The following NACC2 variants were observed in gnomAD, a reference collection of about 807,000 sequenced individuals.
NACC2 encodes NACC family member 2.
Under a neutral mutation model 25.1 loss-of-function variants are expected in NACC2, and 8 were observed. The observed-to-expected ratio is 0.32, with a 90% CI of 0.19 to 0.57. The LOEUF (loss-of-function observed/expected upper bound fraction) is 0.57. NACC2 is among the 20% of genes least tolerant of loss of function. The pLI, the probability that NACC2 is intolerant of heterozygous loss-of-function variation, is 0.89. For synonymous variants in NACC2, 435 were observed against 294.7 expected (o/e 1.48, Z -4.88); for missense variants, 644 against 650.2 (o/e 0.99, Z 0.10).
At chr9:136,016,847 G>C (rs949264345) in intron 2 of NACC2, among the ~76,000 whole-genome samples, 31 of 152,192 alleles carry the variant, frequency 2.0e-4, no homozygotes, top group African/African-American at 7.5e-4. Context: ...GAGGATGGAG[G>C]ACGGCTTGGC....
At chr9:136,044,702 G>A (rs1212709056) in intron 2 of NACC2, among the ~76,000 whole-genome samples, 4 of 152,214 alleles carry the variant, frequency 2.6e-5, no homozygotes, top group African/African-American at 9.6e-5. Context: ...TTCTCTCTGG[G>A]AACCCCAAAC....
At chr9:136,083,218 T>C (rs1830342177) in intron 1 of NACC2, among the ~76,000 whole-genome samples, 1 of 152,148 alleles carries the variant, frequency 6.6e-6, no homozygotes, top group Admixed American at 6.5e-5. Flanking sequence ...GGGGAGCTGG[T>C]GGGGGTCAGA....
chr9:136,016,290 G>C lies in NACC2; in HGVS notation c.1026C>G (p.Pro342=). 9.3e-6 allele frequency: 15 copies of C among 1,612,962 alleles called. No homozygotes were observed. Among genetic ancestry groups the C allele is most frequent in the Non-Finnish European group, 1.3e-5 (15 of 1,180,002 alleles). ...CHPKLYSEGD[P]GEKLELVAGS... is the part of the protein sequence containing the mutation. ...CTGCCACCAGCTCCAGCTTCTCCCC[G>C]GGGTCCCCTTCCGAGTAGAGCTTGG... The change falls in exon 3 of 6, where the codon CCC becomes CCG. Residue 342 remains proline, a synonymous_variant. Transcript: ENST00000277554.
intron 1 of NACC2, among the ~76,000 whole-genome samples, chr9:136,079,409 G>A (rs775807756): frequency 6.6e-5 from 10 of 152,226 alleles, no homozygotes; most frequent in African/African-American, 1.7e-4. Context: ...AAGCCAATGC[G>A]TGGACTCCGG....
chr9:136,032,402 C>G (rs1257626212), intron 2 of NACC2, among the ~76,000 whole-genome samples: 1 of 152,014 alleles, frequency 6.6e-6, no homozygotes, highest in East Asian at 1.9e-4. Context: ...ACCCTCTTAA[C>G]CTAGGAAATG....
At chr9:136,034,604 C>A (rs1289448460) in intron 2 of NACC2, among the ~76,000 whole-genome samples, 1 of 151,398 alleles carries the variant, frequency 6.6e-6, no homozygotes, top group East Asian at 1.9e-4. Context: ...GGCTAGGAAC[C>A]AGAAAGTCTA....
intron 2 of NACC2, among the ~76,000 whole-genome samples, chr9:136,033,762 G>A (rs1434706703): frequency 2.0e-5 from 3 of 151,356 alleles, no homozygotes; most frequent in African/African-American, 4.9e-5. Context: ...GTATCAGTAT[G>A]AACCCACAAT....
intron 3 of NACC2, among the ~76,000 whole-genome samples, chr9:136,015,580 G>A (rs1165406307): frequency 6.6e-6 from 1 of 152,198 alleles, no homozygotes. Flanking sequence ...GCCTTTGGGG[G>A]TGGACAGGAA....
rs945593252 is a variant in NACC2, at chr9:136,022,028, C to G, written c.887-5599G>C. Among the ~76,000 whole-genome samples the G allele has an allele frequency of 6.6e-6, 1 of 152,130 alleles. No individual in the cohort carries two copies. ...AGGTCGGGCTACACACCTGTCCCCA[C>G]GGGGGCAGCCTGCACGACTCTAGGT... On this transcript the variant is annotated intron_variant, in intron 2 of 5. Transcript: ENST00000277554. This position sits in a 1 kb window ranked among gnomAD's most constrained non-coding sequence, Gnocchi z 4.4.
chr9:136,016,575 C>G, intron 2 of NACC2, 146 bp from the exon 3 acceptor site: 2 of 929,494 alleles, frequency 2.2e-6, no homozygotes, highest in Non-Finnish European at 3.2e-6. Flanking sequence ...CTGTGCCGCT[C>G]TCCTGCTGGC....
intron 1 of NACC2, among the ~76,000 whole-genome samples, chr9:136,088,963 C>CGG (rs1830407030): frequency 6.6e-6 from 1 of 152,240 alleles, no homozygotes; most frequent in Admixed American, 6.5e-5. Flanking sequence ...ATAATGATCT[C>CGG]GGCATCGCGT....
chr9:136,084,696 T>A lies in NACC2; in HGVS notation c.-60+10493A>T, dbSNP rs974637476. On this transcript the variant is annotated intron_variant, in intron 1 of 5. Transcript: ENST00000277554. This position sits in a 1 kb window ranked among gnomAD's most constrained non-coding sequence, Gnocchi z 5.1. Reference sequence around the variant, plus strand: ...GGCAAGTGGCCCCAGGGTCCGCCAATGGGTGACAGTCAAAGGAAATGGCGG... The same window carrying A: ...GGCAAGTGGCCCCAGGGTCCGCCAAAGGGTGACAGTCAAAGGAAATGGCGG... Among the ~76,000 whole-genome samples the A allele has an allele frequency of 2.0e-5, 3 of 152,088 alleles. No homozygotes were observed. The highest frequency in any genetic ancestry group is 4.4e-5 in the Non-Finnish European group (3 of 68,004).
intron 2 of NACC2, among the ~76,000 whole-genome samples, chr9:136,035,709 T>C (rs1304316262): frequency 7.7e-6 from 1 of 129,476 alleles, no homozygotes; most frequent in Non-Finnish European, 1.7e-5. Context: ...TGTCCTTGTT[T>C]GTTAAAAAAA....
At chr9:136,076,083 A>G (rs1471807070) in intron 1 of NACC2, among the ~76,000 whole-genome samples, 1 of 151,968 alleles carries the variant, frequency 6.6e-6, no homozygotes, top group East Asian at 1.9e-4. Flanking sequence ...GAAATAAAGT[A>G]AACAGGCACC....
intron 1 of NACC2, among the ~76,000 whole-genome samples, chr9:136,052,753 C>T (rs1478932434): frequency 2.0e-5 from 3 of 152,360 alleles, no homozygotes; most frequent in South Asian, 2.1e-4. Flanking sequence ...GCGGCCGCCT[C>T]GCTCCTCCCG....
intron 1 of NACC2, among the ~76,000 whole-genome samples, chr9:136,089,036 T>C (rs918525004): frequency 6.6e-6 from 1 of 152,366 alleles, no homozygotes; most frequent in Admixed American, 6.5e-5. Flanking sequence ...TTTCCCTTTA[T>C]AGAAAGGTGT....
intron 2 of NACC2, among the ~76,000 whole-genome samples, chr9:136,044,104 G>A (rs1840684533): frequency 6.6e-6 from 1 of 152,044 alleles, no homozygotes; most frequent in Non-Finnish European, 1.5e-5. Context: ...GGATTACAGG[G>A]GTGAGCCACC....
Position 136,086,706 on chromosome 9 carries a change from TC to T in NACC2, c.-60+8482del, listed in dbSNP as rs1830382144. 6.6e-6 allele frequency among the ~76,000 whole-genome samples: 1 copy of T among 152,084 alleles called. No individual in the cohort carries two copies. The highest frequency in any genetic ancestry group is 1.9e-4 in the East Asian group (1 of 5,190). On this transcript the variant is annotated intron_variant, in intron 1 of 5. Coordinates refer to ENST00000277554, the MANE Select transcript of NACC2 (RefSeq NM_144653.5). The surrounding 1 kb of genome is among the most constrained non-coding windows in gnomAD (Gnocchi z 5.6). ...ACAACGCCGACTCCTAGGAAAACCCTCCCCGACCAGTGGCCCCGTTTCCCTC... is the reference window on the plus strand; with the variant it reads ...ACAACGCCGACTCCTAGGAAAACCCTCCCGACCAGTGGCCCCGTTTCCCTC...
intron 2 of NACC2, among the ~76,000 whole-genome samples, chr9:136,030,957 G>A (rs1055444119): frequency 2.6e-5 from 4 of 152,078 alleles, no homozygotes; most frequent in African/African-American, 9.7e-5. Flanking sequence ...CACCGTGCCC[G>A]GCCAATACAT....
Sources: gnomAD v4.1 joint callset for allele counts (sites outside exome capture counted in the v4.1 genomes callset) on GRCh38, gnomAD v4.1.1 for gene constraint, Gnocchi (gnomAD v3.1) non-coding constraint, MANE v1.5 for transcripts, NCBI Gene and HGNC (gene_info 2026-07-23, HGNC 2026-07-21) for gene names.